The following OSBPL10 variants were observed in gnomAD, a reference collection of about 807,000 sequenced individuals.
OSBPL10 encodes the protein oxysterol-binding protein-related protein 10.
Under a neutral mutation model 81.7 loss-of-function variants are expected in OSBPL10, and 49 were observed. That is an observed-to-expected ratio of 0.60 (90% CI 0.48 to 0.76). The LOEUF is 0.76. OSBPL10 is among the 30% of genes least tolerant of loss of function. The pLI, the probability that OSBPL10 is intolerant of heterozygous loss-of-function variation, is 0.00. For missense variants in OSBPL10, 923 were observed against 987.8 expected (o/e 0.93, Z 0.88); for synonymous variants, 419 against 383.6 (o/e 1.09, Z -1.08).
At chr3:31,731,488 C>CTTTT (rs202094117) in intron 6 of OSBPL10, among the ~76,000 whole-genome samples, 1 of 142,308 alleles carries the variant, frequency 7.0e-6, no homozygotes, top group Non-Finnish European at 1.5e-5. Context: ...TTATTTCTTT[C>CTTTT]TTTTTTTTTT....
rs552972925 is a variant in OSBPL10, at chr3:31,957,684, T to A, written c.281+23215A>T. ...TTTGAGGAGTCTTGCTCTGTCGCCC[T>A]GGCTGGAGTGCAGTGGTGCAATCTC... On this transcript the variant is annotated intron_variant, in intron 1 of 11. Coordinates refer to ENST00000396556, the MANE Select transcript of OSBPL10 (RefSeq NM_017784.5). Among the ~76,000 whole-genome samples, 4 of 152,222 alleles carry A rather than the reference T, an allele frequency of 2.6e-5. No homozygotes were observed. The South Asian group carries it at 8.3e-4, about 32-fold the overall frequency.
intron 3 of OSBPL10, among the ~76,000 whole-genome samples, chr3:31,872,828 T>G (rs1305623919): frequency 1.3e-5 from 2 of 152,142 alleles, no homozygotes; most frequent in African/African-American, 4.8e-5. Context: ...TTCGCCATGT[T>G]GCCCAGGCTG....
At chr3:31,675,969 GA>G (rs933664547) in intron 8 of OSBPL10, among the ~76,000 whole-genome samples, 1 of 149,100 alleles carries the variant, frequency 6.7e-6, no homozygotes, top group Non-Finnish European at 1.5e-5. Flanking sequence ...AAAAAAAGAG[GA>G]AACTACAACG....
At chr3:31,967,903 G>A (rs1172231189) in intron 1 of OSBPL10, among the ~76,000 whole-genome samples, 1 of 152,168 alleles carries the variant, frequency 6.6e-6, no homozygotes, top group East Asian at 1.9e-4. Context: ...ATTGGATAAT[G>A]TTTATTAGAT....
intron 4 of OSBPL10, among the ~76,000 whole-genome samples, chr3:31,772,337 T>C (rs1328859176): frequency 6.6e-6 from 1 of 152,234 alleles, no homozygotes; most frequent in East Asian, 1.9e-4. Context: ...TCAATCCTCA[T>C]TATTCACAGT....
intron 2 of OSBPL10, among the ~76,000 whole-genome samples, chr3:32,014,679 C>T (rs1439595010): frequency 3.9e-5 from 6 of 152,126 alleles, no homozygotes; most frequent in African/African-American, 4.8e-5. Flanking sequence ...GATGACATGA[C>T]TGTATATCTA....
intron 6 of OSBPL10, chr3:31,732,577 G>C (rs1338096774): frequency 6.6e-6 from 1 of 152,364 alleles, no homozygotes; most frequent in African/African-American, 2.4e-5. Context: ...ATGGACTCAG[G>C]ACACAAAATA....
chr3:31,905,345 A>ATTTTTT lies in OSBPL10; in HGVS notation c.282-25521_282-25516dup, dbSNP rs386396290. ...GAGCTCTATGTCAAGGAACCTGGTG[A>ATTTTTT]TTTTTTTTTTTTTTTTTTTTTTTAG... On this transcript the variant is annotated intron_variant, in intron 1 of 11. Transcript: ENST00000396556. Among the ~76,000 whole-genome samples, 101 of 94,818 alleles carry ATTTTTT rather than the reference A, an allele frequency of 1.1e-3. 6 individuals carry two copies. In the South Asian group the frequency reaches 0.027, roughly 26 times the overall value. The allele number at this position is 94,818 out of a possible 152,430, so 62.2% of individuals were successfully genotyped here. A position where few individuals can be genotyped will look rare whatever the true frequency, so the allele number is the denominator to read the frequency against.
chr3:31,948,910 A>T (rs1697781060), intron 1 of OSBPL10, among the ~76,000 whole-genome samples: 1 of 152,224 alleles, frequency 6.6e-6, no homozygotes, highest in Non-Finnish European at 1.5e-5. Flanking sequence ...CCAAATAAGT[A>T]AATTCCAGAG....
At chr3:31,830,007 G>T in intron 4 of OSBPL10, 33 bp downstream of exon 4, 1 of 1,579,112 alleles carries the variant, frequency 6.3e-7, no homozygotes, top group Non-Finnish European at 8.6e-7. Context: ...AACTCCCCGG[G>T]GCTGCTTAAC....
rs1417075633 is a variant in OSBPL10 at position 31,837,364 on chromosome 3, TATATATATATAGTA to T, written c.538-7147_538-7134del. Among the ~76,000 whole-genome samples the T allele has an allele frequency of 7.6e-3, 230 of 30,242 alleles. 2 individuals are homozygous for T. Among genetic ancestry groups the T allele is most frequent in the East Asian group, 0.05 (36 of 716 alleles). 19.8% of individuals were successfully genotyped at this position (30,242 alleles called of 152,430 possible). ...ATATATATATATATATATATATATA[TATATATATATAGTA>T]AGTAACATAACACAGAGACCTTTAA... On this transcript the variant is annotated intron_variant, in intron 3 of 11. Coordinates refer to ENST00000396556, the MANE Select transcript of OSBPL10 (RefSeq NM_017784.5).
At chr3:31,798,303 G>A (rs1699291407) in intron 4 of OSBPL10, among the ~76,000 whole-genome samples, 1 of 151,930 alleles carries the variant, frequency 6.6e-6, no homozygotes. Flanking sequence ...GGTGGCAGGT[G>A]CCTGTAATCC....
chr3:31,798,075 A>G (rs1234903935), intron 4 of OSBPL10, among the ~76,000 whole-genome samples: 1 of 152,204 alleles, frequency 6.6e-6, no homozygotes, highest in Non-Finnish European at 1.5e-5. Context: ...CTCCAGCCAT[A>G]CATAGCTACT....
At chr3:31,745,415 T>C (rs1199807987) in intron 5 of OSBPL10, among the ~76,000 whole-genome samples, 1 of 152,238 alleles carries the variant, frequency 6.6e-6, no homozygotes, top group African/African-American at 2.4e-5. Flanking sequence ...CATAACATGT[T>C]ACTGTTTGGG....
intron 5 of OSBPL10, among the ~76,000 whole-genome samples, chr3:31,746,054 A>G (rs1697510547): frequency 6.6e-6 from 1 of 152,220 alleles, no homozygotes; most frequent in Admixed American, 6.5e-5. Context: ...CTTTATAATT[A>G]TATGTGACAT....
chr3:31,828,328 A>G (rs569673771), intron 4 of OSBPL10, among the ~76,000 whole-genome samples: 8 of 152,360 alleles, frequency 5.3e-5, no homozygotes, highest in African/African-American at 1.9e-4. Flanking sequence ...ATAAAAACAG[A>G]TAAAACAAGA....
chr3:32,037,299 T>C (rs1699530321), intron 2 of OSBPL10, among the ~76,000 whole-genome samples: 1 of 152,200 alleles, frequency 6.6e-6, no homozygotes, highest in Non-Finnish European at 1.5e-5. Context: ...CTTGAACTGG[T>C]ATTGCAGTCA....
intron 7 of OSBPL10, among the ~76,000 whole-genome samples, chr3:31,689,620 T>C (rs1372190516): frequency 6.6e-6 from 1 of 151,954 alleles, no homozygotes; most frequent in African/African-American, 2.4e-5. Context: ...CAGTGGGAGG[T>C]AATTGAATCA....
intron 2 of OSBPL10, among the ~76,000 whole-genome samples, chr3:32,013,307 A>C (rs1002984147): frequency 2.6e-5 from 4 of 152,248 alleles, no homozygotes; most frequent in Admixed American, 2.6e-4. Context: ...AAACCATTCA[A>C]CTACATGGAA....
Sources: gnomAD v4.1 joint callset for allele counts (sites outside exome capture counted in the v4.1 genomes callset) on GRCh38, gnomAD v4.1.1 for gene constraint, MANE v1.5 for transcripts, NCBI Gene and HGNC (gene_info 2026-07-23, HGNC 2026-07-21) for gene names.